Variants in CDHR3 observed in about 807,000 individuals in gnomAD.
CDHR3 encodes cadherin-related family member 3.
CDHR3 carries 79 observed loss-of-function variants against 86.6 expected under a neutral mutation model. That is an observed-to-expected ratio of 0.91 (90% CI 0.76 to 1.10). The LOEUF (loss-of-function observed/expected upper bound fraction) is 1.10. Among genes scored for constraint, CDHR3 ranks in the 50% least tolerant of loss-of-function variants. CDHR3 has a pLI of 0.00. For synonymous variants in CDHR3, 421 were observed against 402.4 expected, an observed-to-expected ratio of 1.05 and a Z score of -0.55; for missense variants, 1,081 against 1,077.6, an observed-to-expected ratio of 1.00 and a Z score of -0.04.
At chr7:105,988,107 T>G (rs1017016073) in intron 4 of CDHR3, among the ~76,000 whole-genome samples, 1 of 152,200 alleles carries the variant, frequency 6.6e-6, no homozygotes, top group African/African-American at 2.4e-5. Flanking sequence ...CAGGCTGGTC[T>G]CAAACTCTTG....
At position 105,980,973 on chromosome 7, in the gene CDHR3, C is replaced by G; in HGVS notation, c.255C>G (p.Val85=). The G allele has an allele frequency of 6.2e-7, 1 of 1,605,330 alleles. No homozygotes were observed. The highest frequency in any genetic ancestry group is 8.5e-7 in the Non-Finnish European group (1 of 1,175,700). Residue 85 remains valine, a synonymous_variant, in exon 3 of 19, where the codon GTC becomes GTG. Transcript: ENST00000317716. ...AATTTTGCATTTTGTTTTAGGTTGT[C>G]ACCACTGGGATGGAACAACTAGATT... is the stretch of plus-strand genomic sequence containing the variant. ...NWLSGTYFEV[V]TTGMEQLDFE...
In CDHR3 at chr7:106,015,932, G is replaced by A. The variant is rs186725939; in HGVS notation, c.1333G>A (p.Val445Ile). 273 of 1,604,054 alleles carry A rather than the reference G, an allele frequency of 1.7e-4. No homozygotes were observed. The highest frequency in any genetic ancestry group is 1.2e-3 in the Middle Eastern group (7 of 6,044). The change falls in exon 11 of 19, where the codon GTC (valine) becomes ATC (isoleucine). Residue 445 changes from valine to isoleucine, a missense_variant. Val to Ile is a conservative substitution (Grantham distance 29). Coordinates refer to ENST00000317716, the MANE Select transcript of CDHR3 (RefSeq NM_152750.5). The stretch of plus-strand genomic sequence containing the variant: ...GTTTCTATTTCCATTTTTAGATAAC[G>A]TCTACGTTTATATCCTAACAAGCCC... Reference protein sequence around the residue: ...DVAPPYYKNNVYVYILTSPEN... With the variant: ...DVAPPYYKNNIYVYILTSPEN...
chr7:105,981,042 G>T lies in CDHR3; in HGVS notation c.324G>T (p.Lys108Asn). ...TATTTGATTTGCAGATTTATGTGAA[G>T]GATGAGGTTGGTGTCACAGACCTGC... ...PNIFDLQIYV[K>N]DEVGVTDLQV... The change falls in exon 3 of 19, where the codon AAG becomes AAT. Residue 108 changes from lysine to asparagine, a missense_variant. Transcript: ENST00000317716. 1 of 1,612,824 alleles carries T rather than the reference G, an allele frequency of 6.2e-7. No individual in the cohort carries two copies. The highest frequency in any genetic ancestry group is 8.5e-7 in the Non-Finnish European group (1 of 1,179,442).
At chr7:106,015,883 G>A (rs768787314) in intron 10 of CDHR3, 44 bp from the exon 11 acceptor site, 3 of 1,285,738 alleles carry the variant, frequency 2.3e-6, no homozygotes, top group African/African-American at 2.9e-5. Flanking sequence ...ACAAATGGAT[G>A]AGTATGGATT....
In CDHR3 at chr7:106,032,550, C is replaced by T. The variant is rs773694686; in HGVS notation, c.2511C>T (p.Asn837=). ...GEGMGSLRSA[N]WEEDELSGKA... is the part of the protein sequence containing the mutation. Reference sequence around the variant, plus strand: ...GGATGGGGTCACTGAGAAGTGCCAACTGGGAAGAAGATGAGCTGAGTGGCA... The same window carrying T: ...GGATGGGGTCACTGAGAAGTGCCAATTGGGAAGAAGATGAGCTGAGTGGCA... The change falls in exon 19 of 19, where the codon AAC becomes AAT. Residue 837 remains asparagine, a synonymous_variant. Transcript: ENST00000317716. The T allele has an allele frequency of 3.7e-6, 6 of 1,613,828 alleles. No homozygotes were observed. In the South Asian group the frequency reaches 6.6e-5, roughly 18 times the overall value.
chr7:105,975,874 C>A (rs572155133), intron 2 of CDHR3, among the ~76,000 whole-genome samples: 9 of 152,292 alleles, frequency 5.9e-5, no homozygotes, highest in Admixed American at 5.9e-4. Flanking sequence ...GGTTGCTTCC[C>A]TGAGGTTCCC....
At chr7:105,992,888 T>G (rs1000003068) in intron 4 of CDHR3, among the ~76,000 whole-genome samples, 4 of 152,218 alleles carry the variant, frequency 2.6e-5, no homozygotes, top group Non-Finnish European at 5.9e-5. Flanking sequence ...ATATGGTCAA[T>G]ACAACTAGAA....
At chr7:105,996,658 CT>C (rs1412812103) in intron 6 of CDHR3, among the ~76,000 whole-genome samples, 1 of 152,090 alleles carries the variant, frequency 6.6e-6, no homozygotes, top group Non-Finnish European at 1.5e-5. Context: ...GCAGAGGGTG[CT>C]TTTAAAATAA....
At chr7:105,987,089 A>G (rs1333403337) in intron 4 of CDHR3, among the ~76,000 whole-genome samples, 1 of 152,234 alleles carries the variant, frequency 6.6e-6, no homozygotes, top group African/African-American at 2.4e-5. Flanking sequence ...CAGACAGAAT[A>G]AGGTCATGGC....
intron 8 of CDHR3, among the ~76,000 whole-genome samples, chr7:106,005,182 A>T (rs557495609): frequency 1.1e-4 from 16 of 152,366 alleles, no homozygotes; most frequent in African/African-American, 3.8e-4. Context: ...CAAAGCATCG[A>T]ATTCACCTTA....
At chr7:106,031,027 C>G (rs1838251126) in intron 18 of CDHR3, among the ~76,000 whole-genome samples, 187 bp downstream of exon 18, 2 of 152,196 alleles carry the variant, frequency 1.3e-5, no homozygotes, top group Admixed American at 1.3e-4. Context: ...AGCTGGCTAG[C>G]AGATGCTCAA....
intron 2 of CDHR3, among the ~76,000 whole-genome samples, chr7:105,980,397 A>G (rs1829459200): frequency 6.6e-6 from 1 of 150,760 alleles, no homozygotes; most frequent in Admixed American, 6.7e-5. Context: ...GCATGTATAC[A>G]AGTTATGGTT....
chr7:105,984,249 C>A lies in CDHR3; in HGVS notation c.473C>A (p.Ala158Asp), dbSNP rs374784309. Residue 158 changes from alanine to aspartate, a missense_variant, in exon 4 of 19, where the codon GCC becomes GAC. By Grantham distance (126) the Ala-to-Asp change is moderately radical (BLOSUM62 -2). Coordinates refer to ENST00000317716, the MANE Select transcript of CDHR3 (RefSeq NM_152750.5). ...ANPGFIYQVE[A>D]FDPEDTSRNI... ...CCTGGATTCATTTACCAGGTTGAGG[C>A]CTTCGATCCAGAAGACACAAGCCGA... 2.4e-5 allele frequency: 39 copies of A among 1,610,650 alleles called. No individual in the cohort carries two copies. Among genetic ancestry groups the A allele is most frequent in the Non-Finnish European group, 3.3e-5 (39 of 1,177,856 alleles).
At chr7:105,987,877 A>T (rs1830749016) in intron 4 of CDHR3, among the ~76,000 whole-genome samples, 1 of 152,172 alleles carries the variant, frequency 6.6e-6, no homozygotes, top group Non-Finnish European at 1.5e-5. Flanking sequence ...TTCTGGACGA[A>T]AAGGCTGGGA....
At position 106,017,884 on chromosome 7, in the gene CDHR3, G is replaced by A. The variant is rs1208964531; in HGVS notation, c.1465G>A (p.Asp489Asn). The A allele has an allele frequency of 6.2e-7, 1 of 1,601,768 alleles. No homozygotes were observed. The highest frequency in any genetic ancestry group is 1.1e-5 in the South Asian group (1 of 88,682). The change falls in exon 12 of 19, where the codon GAC becomes AAC. Residue 489 changes from aspartate (D) to asparagine (N), a missense_variant. Physicochemically the swap from Asp to Asn is conservative, Grantham distance 23. Coordinates refer to ENST00000317716, the MANE Select transcript of CDHR3 (RefSeq NM_152750.5). ...RVGQVRATDK[D>N]LPQSSLLYSI... is the part of the protein sequence containing the mutation. Reference sequence around the variant, plus strand: ...GGGACAGGTGCGAGCCACTGATAAAGACCTCCCCCAGAGCAGCCTCCTGTA... The same window carrying A: ...GGGACAGGTGCGAGCCACTGATAAAAACCTCCCCCAGAGCAGCCTCCTGTA...
chr7:106,012,832 G>A (rs1271359647), intron 8 of CDHR3, 28 bp from the exon 9 acceptor site: 3 of 1,567,458 alleles, frequency 1.9e-6, no homozygotes, highest in African/African-American at 2.7e-5. Context: ...TTTATTGGGG[G>A]AAATACTGGA....
intron 15 of CDHR3, 21 bp from the exon 16 acceptor site, chr7:106,026,661 C>A (rs942886258): frequency 6.2e-7 from 1 of 1,613,400 alleles, no homozygotes; most frequent in South Asian, 1.1e-5. Context: ...GAATTAATAG[C>A]CATTCTTTTT....
intron 1 of CDHR3, among the ~76,000 whole-genome samples, chr7:105,971,952 G>A (rs1250781822): frequency 1.3e-5 from 2 of 152,168 alleles, no homozygotes; most frequent in Admixed American, 1.3e-4. Context: ...AGTGTCCCAG[G>A]GTGACTGAAT....
Position 105,984,299 on chromosome 7 carries a change from C to A in CDHR3, c.513+10C>A. On this transcript the variant is annotated intron_variant, in intron 4 of 18. Transcript: ENST00000317716. ...AAACATTCCCCTCAGTGTAAGTGTCCTTATATGGAAGAGGTGGTGTTTGTC... is the reference window on the plus strand; with the variant it reads ...AAACATTCCCCTCAGTGTAAGTGTCATTATATGGAAGAGGTGGTGTTTGTC... 6.3e-7 allele frequency: 1 copy of A among 1,592,958 alleles called. No homozygotes were observed. The highest frequency in any genetic ancestry group is 8.6e-7 in the Non-Finnish European group (1 of 1,164,404).
Sources: allele counts gnomAD v4.1 joint callset (sites outside exome capture counted in the v4.1 genomes callset), GRCh38; gene constraint gnomAD v4.1.1; transcripts MANE v1.5; gene names NCBI Gene and HGNC (gene_info 2026-07-23, HGNC 2026-07-21).